The following RAP2A variants were observed in gnomAD, a reference collection of about 807,000 sequenced individuals.
The protein encoded by RAP2A is ras-related protein Rap-2a.
In RAP2A, 5 loss-of-function variants were observed where a neutral mutation model predicts 15.1. The ratio of observed to expected loss-of-function variants is 0.33; its 90% confidence interval spans 0.17 to 0.70. The LOEUF (loss-of-function observed/expected upper bound fraction) is 0.70, where lower values mean the gene tolerates loss of function less well. RAP2A is among the 30% of genes least tolerant of loss of function. RAP2A has a pLI of 0.68. For synonymous variants in RAP2A, 110 were observed against 99.7 expected (o/e 1.10, Z -0.62); for missense variants, 111 against 240.3 (o/e 0.46, Z 3.56).
chr13:97,464,761 A>AT lies in RAP2A; in HGVS notation c.*321dup, dbSNP rs569031990. 4.6e-5 allele frequency: 12 copies of AT among 261,256 alleles called. No individual in the cohort carries two copies. Among genetic ancestry groups the AT allele is most frequent in the Non-Finnish European group, 8.7e-5 (12 of 137,916 alleles). The allele number at this position is 261,256 out of a possible 1,614,324, so 16.2% of individuals were successfully genotyped here. A position where few individuals can be genotyped will look rare whatever the true frequency, so the allele number is the denominator to read the frequency against. On this transcript the variant is annotated 3_prime_UTR_variant, in exon 2 of 2. Transcript: ENST00000245304. ...GTTGACAGAAGCAACTATTGTACAA[A>AT]TTAAAAATAACCATAAGGGAGAAAC...
At chr13:97,460,937 C>G (rs2153180395) in intron 1 of RAP2A, among the ~76,000 whole-genome samples, 1 of 152,282 alleles carries the variant, frequency 6.6e-6, no homozygotes, top group South Asian at 2.1e-4. Flanking sequence ...GGTTTGCCCT[C>G]AGGAGTTCTT....
intron 1 of RAP2A, chr13:97,435,819 A>G (rs1566470441): frequency 6.6e-6 from 1 of 152,122 alleles, no homozygotes; most frequent in Non-Finnish European, 1.5e-5. Context: ...CCTGCTGATA[A>G]TTTTGGTGTC....
chr13:97,452,301 G>A (rs2066705163), intron 1 of RAP2A, among the ~76,000 whole-genome samples: 1 of 151,104 alleles, frequency 6.6e-6, no homozygotes, highest in Admixed American at 6.6e-5. Flanking sequence ...TACGGGTGGT[G>A]TGAGATAGGG....
chr13:97,436,126 G>T (rs946272629), intron 1 of RAP2A: 17 of 152,122 alleles, frequency 1.1e-4, no homozygotes, highest in African/African-American at 3.9e-4. Context: ...ATTCATCCTT[G>T]TGTTAAATTC....
intron 1 of RAP2A, among the ~76,000 whole-genome samples, chr13:97,449,980 G>C (rs998218240): frequency 6.7e-6 from 1 of 150,306 alleles, no homozygotes; most frequent in Non-Finnish European, 1.5e-5. Flanking sequence ...TTTTTTTTAA[G>C]TTTTATTTAG....
At chr13:97,461,870 A>G (rs1288981671) in intron 1 of RAP2A, among the ~76,000 whole-genome samples, 1 of 151,168 alleles carries the variant, frequency 6.6e-6, no homozygotes, top group Non-Finnish European at 1.5e-5. Context: ...GACTGAGGCA[A>G]GAGAATGGCG....
At chr13:97,451,232 A>AT (rs765660663) in intron 1 of RAP2A, among the ~76,000 whole-genome samples, 31 of 151,942 alleles carry the variant, frequency 2.0e-4, no homozygotes, top group Non-Finnish European at 4.4e-4. Context: ...AATCTTACTG[A>AT]TTTTTTTTGT....
chr13:97,443,719 A>G (rs1298186549), intron 1 of RAP2A, among the ~76,000 whole-genome samples: 3 of 152,164 alleles, frequency 2.0e-5, no homozygotes, highest in Non-Finnish European at 2.9e-5. Flanking sequence ...TAGGTTTCCA[A>G]TGAACATTAT....
At chr13:97,457,544 ATAAT>A (rs1482837005) in intron 1 of RAP2A, among the ~76,000 whole-genome samples, 3 of 152,084 alleles carry the variant, frequency 2.0e-5, no homozygotes, top group Admixed American at 6.6e-5. Context: ...TGGAGGACAG[ATAAT>A]TAAATTATGG....
rs142412745 is a variant in RAP2A, at chr13:97,460,285, A to C, written c.315-3920A>C. On this transcript the variant is annotated intron_variant, in intron 1 of 1. Transcript: ENST00000245304. ...GATCAGCCTGTTGGACGTTATTCTT[A>C]GAACAGTGCTAAGCACTCAGCAATT... Among the ~76,000 whole-genome samples the C allele has an allele frequency of 2.0e-5, 3 of 152,370 alleles. No homozygotes were observed. The East Asian group carries it at 5.8e-4, about 29-fold the overall frequency.
chr13:97,462,006 AT>A (rs1391286027), intron 1 of RAP2A, among the ~76,000 whole-genome samples: 1 of 145,154 alleles, frequency 6.9e-6, no homozygotes, highest in East Asian at 1.9e-4. Context: ...ATTTATATTT[AT>A]ATATTTATAT....
At chr13:97,454,575 T>C (rs1015536218) in intron 1 of RAP2A, among the ~76,000 whole-genome samples, 6 of 151,338 alleles carry the variant, frequency 4.0e-5, no homozygotes, top group Non-Finnish European at 8.9e-5. Context: ...AGGTCTCTGC[T>C]TTCCAGAGTT....
At chr13:97,443,475 A>C (rs1001847926) in intron 1 of RAP2A, among the ~76,000 whole-genome samples, 6 of 152,130 alleles carry the variant, frequency 3.9e-5, no homozygotes, top group Non-Finnish European at 8.8e-5. Flanking sequence ...GCAGCCTCTA[A>C]CTCCTGGGCT....
rs115729237 is a variant in RAP2A at position 97,439,780 on chromosome 13, G to A, written c.314+4996G>A. ...ATGAATATAGCCAAGGATAGAACTC[G>A]AGAGTTGTAAGATACACAGTGGAGA... is the stretch of plus-strand genomic sequence containing the variant. On this transcript the variant is annotated intron_variant, in intron 1 of 1. Coordinates refer to ENST00000245304, the MANE Select transcript of RAP2A (RefSeq NM_021033.7). Among the ~76,000 whole-genome samples, 156 of 152,268 alleles carry A rather than the reference G, an allele frequency of 1.0e-3. 1 individual carries two copies. Among genetic ancestry groups the A allele is most frequent in the African/African-American group, 3.4e-3 (142 of 41,554 alleles).
At position 97,466,993 on chromosome 13, in the gene RAP2A, G is replaced by A. The variant is rs986005012; in HGVS notation, c.*2551G>A. 6 of 152,420 alleles carry A rather than the reference G, an allele frequency of 3.9e-5. No individual in the cohort carries two copies. Among genetic ancestry groups the A allele is most frequent in the Admixed American group, 3.3e-4 (5 of 15,282 alleles). 9.4% of individuals were successfully genotyped at this position (152,420 alleles called of 1,614,324 possible). A position where few individuals can be genotyped will look rare whatever the true frequency, so the allele number is the denominator to read the frequency against. ...TTTGTTGGCATACGAAACCTTAGTGGCTACAGAAGAAAGTTGACCTTGTGT... is the reference window on the plus strand; with the variant it reads ...TTTGTTGGCATACGAAACCTTAGTGACTACAGAAGAAAGTTGACCTTGTGT... On this transcript the variant is annotated 3_prime_UTR_variant, in exon 2 of 2. Transcript: ENST00000245304.
At chr13:97,450,659 A>T (rs1320283317) in intron 1 of RAP2A, among the ~76,000 whole-genome samples, 3 of 137,900 alleles carry the variant, frequency 2.2e-5, no homozygotes, top group Non-Finnish European at 4.6e-5. Flanking sequence ...TATTACGCTT[A>T]AAAAAAAAAA....
intron 1 of RAP2A, among the ~76,000 whole-genome samples, chr13:97,457,566 A>G (rs763736778): frequency 9.9e-5 from 15 of 152,096 alleles, no homozygotes; most frequent in Non-Finnish European, 2.2e-4. Flanking sequence ...TGGCACAGTT[A>G]TAGATTCTAT....
At chr13:97,458,259 G>C (rs751801327) in intron 1 of RAP2A, among the ~76,000 whole-genome samples, 2 of 152,136 alleles carry the variant, frequency 1.3e-5, no homozygotes, top group African/African-American at 4.8e-5. Context: ...CAAATTCAAA[G>C]AGAATTATAT....
chr13:97,443,796 G>A (rs1227345244), intron 1 of RAP2A, among the ~76,000 whole-genome samples: 5 of 152,142 alleles, frequency 3.3e-5, no homozygotes, highest in Non-Finnish European at 7.4e-5. Flanking sequence ...TCTCATCCAT[G>A]AAGACAGCGA....
Sources: allele counts gnomAD v4.1 joint callset (sites outside exome capture counted in the v4.1 genomes callset), GRCh38; gene constraint gnomAD v4.1.1; transcripts MANE v1.5; gene names NCBI Gene and HGNC (gene_info 2026-07-23, HGNC 2026-07-21).